The following ROBO1 variants were observed in gnomAD, a reference collection of about 807,000 sequenced individuals.
ROBO1 encodes roundabout guidance receptor 1.
A neutral mutation model predicts 195.9 loss-of-function variants in ROBO1; 149 were observed. The observed-to-expected ratio is 0.76, with a 90% confidence interval of 0.67 to 0.87. The LOEUF (loss-of-function observed/expected upper bound fraction) is 0.87. ROBO1 is among the 40% of genes least tolerant of loss of function. ROBO1 has a pLI of 0.00. For synonymous variants in ROBO1, 816 were observed against 733.2 expected, an observed-to-expected ratio of 1.11 and a Z score of -1.82; for missense variants, 1,933 against 2,068.3, an observed-to-expected ratio of 0.93 and a Z score of 1.27.
intron 3 of ROBO1, among the ~76,000 whole-genome samples, chr3:79,019,857 T>C (rs1186891281): frequency 1.3e-5 from 2 of 150,416 alleles, no homozygotes; most frequent in Admixed American, 6.6e-5. Flanking sequence ...CCCATTCCCA[T>C]TTAAAAAAAA....
chr3:78,853,196 G>T (rs1412452350), intron 4 of ROBO1, among the ~76,000 whole-genome samples: 1 of 151,924 alleles, frequency 6.6e-6, no homozygotes, highest in Non-Finnish European at 1.5e-5. Context: ...GGAGAAGAAG[G>T]AAGGAGGATG....
chr3:79,422,603 A>C, intron 2 of ROBO1, among the ~76,000 whole-genome samples: 1 of 152,290 alleles, frequency 6.6e-6, no homozygotes, highest in African/African-American at 2.4e-5. Flanking sequence ...AAAAGGAAAT[A>C]GAGATTTTTT....
At chr3:79,585,199 T>C (rs1943791008) in intron 2 of ROBO1, among the ~76,000 whole-genome samples, 1 of 151,946 alleles carries the variant, frequency 6.6e-6, no homozygotes, top group Admixed American at 6.6e-5. Flanking sequence ...TGGTTATTAG[T>C]TTCTTTTTAT....
At chr3:79,070,911 T>A (rs1029812363) in intron 3 of ROBO1, among the ~76,000 whole-genome samples, 1 of 151,820 alleles carries the variant, frequency 6.6e-6, no homozygotes, top group East Asian at 1.9e-4. Context: ...ACTTTTAAAA[T>A]TTTTTATTAG....
chr3:79,480,413 T>C (rs1353164879), intron 2 of ROBO1, among the ~76,000 whole-genome samples: 1 of 152,154 alleles, frequency 6.6e-6, no homozygotes, highest in Non-Finnish European at 1.5e-5. Context: ...TCAATATGGG[T>C]CTAAAGAGCT....
chr3:79,668,540 A>G (rs1016559151), intron 1 of ROBO1, among the ~76,000 whole-genome samples: 6 of 151,774 alleles, frequency 4.0e-5, no homozygotes, highest in Admixed American at 1.3e-4. Flanking sequence ...TCAGTCACTC[A>G]ATGCAATTCC....
intron 4 of ROBO1, among the ~76,000 whole-genome samples, chr3:78,891,335 T>G (rs911649031): frequency 1.4e-5 from 2 of 147,144 alleles, no homozygotes; most frequent in East Asian, 4.0e-4. Flanking sequence ...GATATAAGAA[T>G]GGCCAATACG....
At position 79,398,195 on chromosome 3, in the gene ROBO1, T is replaced by C. The variant is rs188540262; in HGVS notation, c.88+191629A>G. The stretch of plus-strand genomic sequence containing the variant: ...GGTTTGGTCTCAACACACCCTTATA[T>C]TGCATTCTTTGTTACCCTCAAAATA... On this transcript the variant is annotated intron_variant, in intron 2 of 30. Transcript: ENST00000464233. Among the ~76,000 whole-genome samples, 23 of 152,284 alleles carry C rather than the reference T, an allele frequency of 1.5e-4. 1 individual carries two copies. In the East Asian group the frequency reaches 4.4e-3, roughly 29 times the overall value.
chr3:79,560,828 G>T (rs1412515212), intron 2 of ROBO1, among the ~76,000 whole-genome samples: 1 of 152,028 alleles, frequency 6.6e-6, no homozygotes, highest in East Asian at 1.9e-4. Flanking sequence ...GTCAGTTTTA[G>T]CAAAGGAATA....
chr3:79,233,464 A>C (rs1428191289), intron 2 of ROBO1, among the ~76,000 whole-genome samples: 1 of 152,138 alleles, frequency 6.6e-6, no homozygotes, highest in Non-Finnish European at 1.5e-5. Context: ...TAAATAACCA[A>C]ATTAAAAATA....
At chr3:79,109,875 G>A (rs895907061) in intron 3 of ROBO1, among the ~76,000 whole-genome samples, 1 of 151,936 alleles carries the variant, frequency 6.6e-6, no homozygotes, top group Non-Finnish European at 1.5e-5. Flanking sequence ...GTCTGCTCCT[G>A]GAAAGAAGCA....
Position 79,294,080 on chromosome 3 carries a change from A to AAAAAG in ROBO1, c.89-168542_89-168541insCTTTT, listed in dbSNP as rs1553714583. 1.4e-4 allele frequency among the ~76,000 whole-genome samples: 19 copies of AAAAAG among 140,114 alleles called. 1 individual carries two copies. Among genetic ancestry groups the AAAAAG allele is most frequent in the African/African-American group, 2.4e-4 (9 of 37,920 alleles). The allele number at this position is 140,114 out of a possible 152,430, so 91.9% of individuals were successfully genotyped here. A position where few individuals can be genotyped will look rare whatever the true frequency, so the allele number is the denominator to read the frequency against. ...CTCAAAAAAAAAAAAAAAAAAAAAA[A>AAAAAG]AAAGAAAGAAAAAACTACTTTGAAT... On this transcript the variant is annotated intron_variant, in intron 2 of 30. Transcript: ENST00000464233.
At chr3:79,762,963 C>T (rs1704793103) in intron 1 of ROBO1, among the ~76,000 whole-genome samples, 1 of 151,984 alleles carries the variant, frequency 6.6e-6, no homozygotes, top group African/African-American at 2.4e-5. Flanking sequence ...AGGGACATAG[C>T]AAAGAGGAAT....
At chr3:78,807,168 C>A (rs1165017762) in intron 4 of ROBO1, among the ~76,000 whole-genome samples, 1 of 152,030 alleles carries the variant, frequency 6.6e-6, no homozygotes, top group Non-Finnish European at 1.5e-5. Flanking sequence ...TCAGAGCAAT[C>A]TATAAAGGAG....
At chr3:78,810,392 G>A (rs1021291894) in intron 4 of ROBO1, among the ~76,000 whole-genome samples, 1 of 151,946 alleles carries the variant, frequency 6.6e-6, no homozygotes, top group African/African-American at 2.4e-5. Context: ...TGTATGCATG[G>A]GAAAGTGAAT....
chr3:79,029,623 T>A (rs911650124), intron 3 of ROBO1, among the ~76,000 whole-genome samples: 2 of 152,222 alleles, frequency 1.3e-5, no homozygotes, highest in African/African-American at 4.8e-5. Context: ...AGAATATCAT[T>A]AAATGTGCTT....
intron 2 of ROBO1, among the ~76,000 whole-genome samples, chr3:79,282,269 A>G (rs1226742209): frequency 6.6e-6 from 1 of 152,238 alleles, no homozygotes; most frequent in Non-Finnish European, 1.5e-5. Flanking sequence ...CATTCAAGAT[A>G]GAATACAGAA....
At chr3:79,694,396 T>C (rs1278997343) in intron 1 of ROBO1, among the ~76,000 whole-genome samples, 1 of 151,844 alleles carries the variant, frequency 6.6e-6, no homozygotes, top group African/African-American at 2.4e-5. Context: ...AATTTCTACT[T>C]GATACAGTGA....
chr3:79,341,826 G>A (rs1157986482), intron 2 of ROBO1, among the ~76,000 whole-genome samples: 3 of 152,134 alleles, frequency 2.0e-5, no homozygotes, highest in Non-Finnish European at 2.9e-5. Context: ...AAAATAACAT[G>A]CCGTTCCTAC....
Sources: gnomAD v4.1 joint callset for allele counts (sites outside exome capture counted in the v4.1 genomes callset) on GRCh38, gnomAD v4.1.1 for gene constraint, MANE v1.5 for transcripts, NCBI Gene and HGNC (gene_info 2026-07-23, HGNC 2026-07-21) for gene names.